The following PWWP2A variants were observed in gnomAD, a reference collection of about 807,000 sequenced individuals.
PWWP2A encodes PWWP domain-containing protein 2A.
Under a neutral mutation model 48.5 loss-of-function variants are expected in PWWP2A, and 18 were observed. The observed-to-expected ratio is 0.37, with a 90% confidence interval of 0.26 to 0.55. The LOEUF is 0.55. Among genes scored for constraint, PWWP2A ranks in the 20% least tolerant of loss-of-function variants. PWWP2A has a pLI of 0.81. For synonymous variants in PWWP2A, 396 were observed against 387.7 expected (o/e 1.02, Z -0.25); for missense variants, 867 against 976.4 (o/e 0.89, Z 1.49).
At chr5:160,086,219 G>C (rs745316480) in intron 2 of PWWP2A, among the ~76,000 whole-genome samples, 19 of 152,130 alleles carry the variant, frequency 1.2e-4, no homozygotes, top group Non-Finnish European at 2.1e-4. Flanking sequence ...TATCAGAAAT[G>C]TGAAGAAAAA....
At chr5:160,109,350 CAAA>C (rs113030645) in intron 1 of PWWP2A, among the ~76,000 whole-genome samples, 2 of 135,064 alleles carry the variant, frequency 1.5e-5, no homozygotes, top group African/African-American at 2.8e-5. Flanking sequence ...TCCCCTGCTC[CAAA>C]AAAAAAAAAA....
exon 4 of PWWP2A, chr5:160,076,107 T>A (rs1749105215): frequency 6.6e-6 from 1 of 152,104 alleles, no homozygotes. Flanking sequence ...GGTGTAGGTT[T>A]TAAATACCAC....
At chr5:160,115,484 G>A (rs1011606117) in intron 1 of PWWP2A, among the ~76,000 whole-genome samples, 1 of 152,000 alleles carries the variant, frequency 6.6e-6, no homozygotes, top group African/African-American at 2.4e-5. Flanking sequence ...CTGAGGTCAG[G>A]AGTTAGAGAC....
At chr5:160,117,977 T>G (rs1243677727) in intron 1 of PWWP2A, 141 of 620,226 alleles carry the variant, frequency 2.3e-4, no homozygotes, top group Non-Finnish European at 2.6e-4. Context: ...ACAGGTTCTC[T>G]TCCCCTGTTG....
intron 3 of PWWP2A, among the ~76,000 whole-genome samples, chr5:160,079,713 G>A (rs1040578498): frequency 6.6e-6 from 1 of 152,176 alleles, no homozygotes. Context: ...TGGCAGGAAA[G>A]GCAAGGACTC....
chr5:160,097,467 T>C (rs968516778), intron 1 of PWWP2A, among the ~76,000 whole-genome samples: 9 of 146,706 alleles, frequency 6.1e-5, no homozygotes, highest in Non-Finnish European at 1.2e-4. Flanking sequence ...CCGTCTCTAC[T>C]AAAAATACAA....
At chr5:160,073,033 A>T (rs796569069), downstream of PWWP2A, among the ~76,000 whole-genome samples, 4 of 119,320 alleles carry the variant, frequency 3.4e-5, no homozygotes, top group Admixed American at 8.8e-5. Flanking sequence ...AAAAAAAAAA[A>T]TCCTAACATC....
intron 3 of PWWP2A, chr5:160,080,612 G>A (rs1456490204): frequency 6.8e-7 from 1 of 1,478,884 alleles, no homozygotes; most frequent in Non-Finnish European, 9.1e-7. Context: ...ATGACATGAT[G>A]CCCTCTTCAC....
chr5:160,085,505 CTTTTTT>C (rs5872628), intron 2 of PWWP2A, among the ~76,000 whole-genome samples: 1 of 109,818 alleles, frequency 9.1e-6, no homozygotes, highest in East Asian at 2.8e-4. Context: ...CTGTCACATT[CTTTTTT>C]TTTTTTTTTT....
downstream of PWWP2A, among the ~76,000 whole-genome samples, chr5:160,061,007 G>A (rs1417549787): frequency 6.6e-6 from 1 of 152,154 alleles, no homozygotes; most frequent in Admixed American, 6.5e-5. Context: ...TCTTCATTTT[G>A]CCACAGGATT....
At chr5:160,072,976 C>T (rs1753776142), downstream of PWWP2A, among the ~76,000 whole-genome samples, 1 of 137,992 alleles carries the variant, frequency 7.2e-6, no homozygotes, top group South Asian at 2.3e-4. Context: ...TACACTCCAG[C>T]CTGGGCAACA....
At position 160,093,091 on chromosome 5, in the gene PWWP2A, G is replaced by A; in HGVS notation, c.1559C>T (p.Pro520Leu). 1.9e-6 allele frequency: 3 copies of A among 1,613,848 alleles called. No homozygotes were observed. The highest frequency in any genetic ancestry group is 1.7e-6 in the Non-Finnish European group (2 of 1,179,860). Reference protein sequence around the residue: ...CTSTRSAGEAPSENQSPSKGP... With the variant: ...CTSTRSAGEALSENQSPSKGP... ...TTTTGAGGGACTCTGATTTTCTGAA[G>A]GGGCCTCACCTGCTGAGCGGGTAGA... is the stretch of plus-strand genomic sequence containing the variant. Residue 520 changes from proline (P) to leucine (L), a missense_variant, in exon 2 of 2, where the codon CCT becomes CTT. Transcript: ENST00000307063. The surrounding 1 kb of genome is among the most constrained non-coding windows in gnomAD (Gnocchi z 5.8).
chr5:160,067,800 T>C (rs932719470), intron 2 of PWWP2A, among the ~76,000 whole-genome samples: 7 of 152,222 alleles, frequency 4.6e-5, no homozygotes, highest in Non-Finnish European at 7.3e-5. Flanking sequence ...TGTTTGACCA[T>C]AGAAAATCTT....
exon 4 of PWWP2A, chr5:160,076,266 C>T (rs954411634): frequency 1.3e-5 from 2 of 152,150 alleles, no homozygotes; most frequent in Non-Finnish European, 2.9e-5. Context: ...TCATTTCCAT[C>T]ACTCTACACA....
chr5:160,045,489 CACACACACACACACACACACACACAT>C, the PWWP2A span, among the ~76,000 whole-genome samples: 27 of 120,058 alleles, frequency 2.2e-4, 1 homozygote, highest in Admixed American at 4.1e-4. Flanking sequence ...CACACACACA[CACACACACACACACACACACACACAT>C]ACACACTCTC....
downstream of PWWP2A, among the ~76,000 whole-genome samples, chr5:160,075,447 G>C (rs1753845849): frequency 6.6e-6 from 1 of 152,156 alleles, no homozygotes; most frequent in African/African-American, 2.4e-5. Flanking sequence ...TGATAACCAA[G>C]TGTTTCTGAT....
chr5:160,066,234 G>C (rs890919061), intron 4 of PWWP2A, among the ~76,000 whole-genome samples: 1 of 150,794 alleles, frequency 6.6e-6, no homozygotes, highest in Non-Finnish European at 1.5e-5. Flanking sequence ...AATGCTGGAT[G>C]GTCTGGTAGT....
chr5:160,048,788 T>A, the PWWP2A span, among the ~76,000 whole-genome samples: 1 of 152,110 alleles, frequency 6.6e-6, no homozygotes, highest in South Asian at 2.1e-4. Flanking sequence ...CCATCTCTAC[T>A]AAAAATACAA....
intron 1 of PWWP2A, chr5:160,105,636 A>G (rs192252435): frequency 4.2e-6 from 4 of 959,578 alleles, no homozygotes; most frequent in East Asian, 1.2e-4. Flanking sequence ...TACCTACTAA[A>G]AGACTATAAC....
Sources: allele counts gnomAD v4.1 joint callset (sites outside exome capture counted in the v4.1 genomes callset), GRCh38; gene constraint gnomAD v4.1.1; non-coding constraint Gnocchi (gnomAD v3.1); transcripts MANE v1.5; gene names NCBI Gene and HGNC (gene_info 2026-07-23, HGNC 2026-07-21).